RIPOR3: variants seen among roughly 807,000 people sequenced by gnomAD.
The protein encoded by RIPOR3 is family with sequence similarity 65 member C.
RIPOR3 carries 95 observed loss-of-function variants against 114.3 expected under a neutral mutation model. That is an observed-to-expected ratio of 0.83 (90% CI 0.70 to 0.99). The LOEUF (loss-of-function observed/expected upper bound fraction) is 0.99, where lower values mean the gene tolerates loss of function less well. Ranked by LOEUF, RIPOR3 falls within the 50% of genes least tolerant of loss-of-function variation. The pLI is 0.00. For synonymous variants in RIPOR3, 575 were observed against 543.8 expected (o/e 1.06, Z -0.80); for missense variants, 1,252 against 1,266.9 (o/e 0.99, Z 0.18).
chr20:50,690,081 G>A (rs762637205), intron 1 of RIPOR3, among the ~76,000 whole-genome samples: 1 of 152,158 alleles, frequency 6.6e-6, no homozygotes, highest in Non-Finnish European at 1.5e-5. Flanking sequence ...CAGCTGCAGG[G>A]ATATATATGC....
chr20:50,598,976 G>T (rs2083399842), intron 13 of RIPOR3, among the ~76,000 whole-genome samples: 1 of 152,106 alleles, frequency 6.6e-6, no homozygotes, highest in South Asian at 2.1e-4. Flanking sequence ...AGCAAAAGCT[G>T]AACCATTGCT....
intron 2 of RIPOR3, among the ~76,000 whole-genome samples, chr20:50,627,325 A>C (rs1229258576): frequency 6.7e-6 from 1 of 148,436 alleles, no homozygotes; most frequent in African/African-American, 2.5e-5. Context: ...ATATGGTGAA[A>C]CCCTGTCTCT....
At chr20:50,646,683 A>T (rs2085410682) in intron 1 of RIPOR3, among the ~76,000 whole-genome samples, 1 of 152,192 alleles carries the variant, frequency 6.6e-6, no homozygotes, top group Non-Finnish European at 1.5e-5. Context: ...GAGTGGAGTC[A>T]CTAGATTCTC....
chr20:50,609,962 G>T (rs1426368481), intron 6 of RIPOR3, among the ~76,000 whole-genome samples: 1 of 138,074 alleles, frequency 7.2e-6, no homozygotes, highest in Admixed American at 7.3e-5. Flanking sequence ...TGCCACCACT[G>T]CCTCACCTGC....
intron 1 of RIPOR3, among the ~76,000 whole-genome samples, chr20:50,657,239 G>A (rs2085843097): frequency 6.6e-6 from 1 of 152,132 alleles, no homozygotes; most frequent in Non-Finnish European, 1.5e-5. Context: ...CACAAAGAAA[G>A]AGAGAGGCTG....
chr20:50,642,373 T>A lies in RIPOR3; in HGVS notation c.4-11517A>T, dbSNP rs1320911306. Among the ~76,000 whole-genome samples, 419 of 142,738 alleles carry A rather than the reference T, an allele frequency of 2.9e-3. 5 individuals are homozygous for A. Among genetic ancestry groups the A allele is most frequent in the African/African-American group, 0.011 (403 of 36,556 alleles). 93.6% of individuals were successfully genotyped at this position (142,738 alleles called of 152,430 possible). A position where few individuals can be genotyped will look rare whatever the true frequency, so the allele number is the denominator to read the frequency against. On this transcript the variant is annotated intron_variant, in intron 1 of 21. Transcript: ENST00000327979. ...GTGTGTGTGTGTGTGTGTGTGTGTG[T>A]GTGTGAGAGAGAGAGAAACAGGGAG...
chr20:50,636,809 C>T (rs2085005653), intron 1 of RIPOR3: 1 of 985,366 alleles, frequency 1.0e-6, no homozygotes, highest in Non-Finnish European at 1.2e-6. Flanking sequence ...CCAAAGCTGC[C>T]CTGCGTCTCC....
intron 11 of RIPOR3, among the ~76,000 whole-genome samples, 154 bp from the exon 12 acceptor site, chr20:50,604,928 GTTGC>G (rs1188853884): frequency 6.6e-6 from 1 of 152,144 alleles, no homozygotes; most frequent in African/African-American, 2.4e-5. Context: ...GCTCTAAACT[GTTGC>G]TTGTTTTTGA....
intron 2 of RIPOR3, among the ~76,000 whole-genome samples, chr20:50,620,541 C>T (rs754650046): frequency 1.3e-5 from 2 of 151,986 alleles, no homozygotes; most frequent in Non-Finnish European, 2.9e-5. Context: ...GCACAAGAAT[C>T]GCTTGAACCC....
intron 1 of RIPOR3, among the ~76,000 whole-genome samples, chr20:50,635,246 C>T (rs2084943697): frequency 6.6e-6 from 1 of 152,182 alleles, no homozygotes; most frequent in African/African-American, 2.4e-5. Flanking sequence ...TGCCTCTGAC[C>T]CTTGGGTAGC....
chr20:50,608,289 C>T, intron 11 of RIPOR3, 100 bp downstream of exon 11: 2 of 1,552,170 alleles, frequency 1.3e-6, no homozygotes, highest in East Asian at 2.3e-5. Context: ...CAGGGACACC[C>T]TTGGCAGAGG....
At chr20:50,639,208 C>T in intron 1 of RIPOR3, among the ~76,000 whole-genome samples, 1 of 151,742 alleles carries the variant, frequency 6.6e-6, no homozygotes, top group Non-Finnish European at 1.5e-5. Context: ...TGCCACTGCA[C>T]TCTAGCCTGG....
chr20:50,627,290 C>T (rs1403578271), intron 2 of RIPOR3, among the ~76,000 whole-genome samples: 1 of 150,716 alleles, frequency 6.6e-6, no homozygotes, highest in Non-Finnish European at 1.5e-5. Context: ...CACCTGAGGT[C>T]AGGAGTTCGA....
chr20:50,645,134 G>T (rs747276456), intron 1 of RIPOR3, among the ~76,000 whole-genome samples: 5 of 152,030 alleles, frequency 3.3e-5, no homozygotes, highest in Non-Finnish European at 7.4e-5. Context: ...GAGCCACTGC[G>T]CCTGGCCCCC....
intron 19 of RIPOR3, 82 bp from the exon 20 acceptor site, chr20:50,589,851 C>T (rs1013527986): frequency 6.3e-6 from 8 of 1,277,512 alleles, no homozygotes; most frequent in South Asian, 2.5e-5. Flanking sequence ...CACCAGGTGC[C>T]GACAGTAAGG....
chr20:50,681,890 C>G (rs2086873083), intron 1 of RIPOR3, among the ~76,000 whole-genome samples: 1 of 152,224 alleles, frequency 6.6e-6, no homozygotes, highest in South Asian at 2.1e-4. Flanking sequence ...AACACGCAGC[C>G]CATTCAAGGC....
At chr20:50,640,782 C>T (rs1460101197) in intron 1 of RIPOR3, among the ~76,000 whole-genome samples, 7 of 152,048 alleles carry the variant, frequency 4.6e-5, no homozygotes, top group Non-Finnish European at 1.5e-5. Flanking sequence ...CCCACGCATG[C>T]GCCCACGAAC....
chr20:50,595,237 G>A, intron 16 of RIPOR3, 132 bp downstream of exon 16: 5 of 1,240,900 alleles, frequency 4.0e-6, no homozygotes, highest in Non-Finnish European at 5.6e-6. Flanking sequence ...TCTGAGCCCA[G>A]CCCAGCCACA....
At chr20:50,596,720 G>T (rs899725423) in intron 14 of RIPOR3, among the ~76,000 whole-genome samples, 3 of 152,236 alleles carry the variant, frequency 2.0e-5, no homozygotes, top group Admixed American at 2.0e-4. Context: ...ACTCAGGAAG[G>T]GTGGAAGCAA....
Sources: gnomAD v4.1 joint callset for allele counts (sites outside exome capture counted in the v4.1 genomes callset) on GRCh38, gnomAD v4.1.1 for gene constraint, MANE v1.5 for transcripts, NCBI Gene and HGNC (gene_info 2026-07-23, HGNC 2026-07-21) for gene names.